Variants in PRKCH observed in about 807,000 individuals in gnomAD.
PRKCH encodes protein kinase C eta type.
In PRKCH, 28 loss-of-function variants were observed where a neutral mutation model predicts 82.5. The ratio of observed to expected loss-of-function variants is 0.34; its 90% CI spans 0.25 to 0.47. The LOEUF is 0.47. PRKCH is among the 20% of genes least tolerant of loss of function. The probability of loss-of-function intolerance (pLI) is 1.00; values close to 1 mark genes in which losing one functional copy is unlikely to be tolerated. For synonymous variants in PRKCH, 322 were observed against 327.4 expected (o/e 0.98, Z 0.18); for missense variants, 705 against 881.8 (o/e 0.80, Z 2.54).
intron 9 of PRKCH, among the ~76,000 whole-genome samples, chr14:61,477,496 G>C (rs1398637600): frequency 6.6e-6 from 1 of 152,098 alleles, no homozygotes; most frequent in Non-Finnish European, 1.5e-5. Flanking sequence ...TTTGCAATCT[G>C]GTTCTGAGAT....
intron 2 of PRKCH, among the ~76,000 whole-genome samples, chr14:61,395,471 T>C (rs1347129983): frequency 6.6e-6 from 1 of 152,026 alleles, no homozygotes; most frequent in Non-Finnish European, 1.5e-5. Flanking sequence ...AAAGCCTTCA[T>C]GGAAAAGCAG....
At chr14:61,224,728 C>T (rs1216067917) in intron 1 of PRKCH, among the ~76,000 whole-genome samples, 1 of 152,198 alleles carries the variant, frequency 6.6e-6, no homozygotes, top group Non-Finnish European at 1.5e-5. Flanking sequence ...ACCTTAATCA[C>T]CTGGCTAACG....
chr14:61,331,579 C>G lies in PRKCH; in HGVS notation c.363+9115C>G, dbSNP rs936059206. On this transcript the variant is annotated intron_variant, in intron 1 of 13. Coordinates refer to ENST00000332981, the MANE Select transcript of PRKCH (RefSeq NM_006255.5). The stretch of plus-strand genomic sequence containing the variant: ...CCTCTTTTTATTTCGTTATACAACT[C>G]CCAGCAATAGGGGAACACTGTACTT... 2.6e-5 allele frequency among the ~76,000 whole-genome samples: 4 copies of G among 152,258 alleles called. No individual in the cohort carries two copies. In the South Asian group the frequency reaches 8.3e-4, roughly 32 times the overall value.
chr14:61,295,424 C>G (rs1203226821), intron 1 of PRKCH, among the ~76,000 whole-genome samples: 3 of 152,222 alleles, frequency 2.0e-5, no homozygotes, highest in Non-Finnish European at 2.9e-5. Flanking sequence ...CCCTGGCCAG[C>G]TAGAGGACAC....
intron 10 of PRKCH, among the ~76,000 whole-genome samples, chr14:61,493,508 C>G (rs942008037): frequency 6.6e-6 from 1 of 152,108 alleles, no homozygotes; most frequent in African/African-American, 2.4e-5. Context: ...CAGTGAAAGC[C>G]AAGAAATACA....
intron 10 of PRKCH, among the ~76,000 whole-genome samples, chr14:61,496,888 C>T (rs1229710072): frequency 3.3e-5 from 5 of 151,696 alleles, no homozygotes; most frequent in Admixed American, 6.5e-5. Context: ...TCACCTACTC[C>T]TCATGACAGC....
At chr14:61,281,205 G>T (rs1053254084) in intron 1 of PRKCH, 1 of 1,107,750 alleles carries the variant, frequency 9.0e-7, no homozygotes, top group Non-Finnish European at 1.2e-6. Context: ...GCCGCGGGGC[G>T]CCTCCCTCTC....
intron 10 of PRKCH, among the ~76,000 whole-genome samples, chr14:61,495,076 T>G (rs1302034397): frequency 6.6e-6 from 1 of 152,218 alleles, no homozygotes. Flanking sequence ...GTTTACGCCT[T>G]CTGGTATTAA....
chr14:61,236,406 G>T (rs1000582460), intron 1 of PRKCH, among the ~76,000 whole-genome samples: 10 of 152,020 alleles, frequency 6.6e-5, no homozygotes, highest in African/African-American at 2.2e-4. Flanking sequence ...GATAAAACAG[G>T]TTGCAGTAAA....
At chr14:61,243,639 C>T (rs2044858944) in intron 1 of PRKCH, among the ~76,000 whole-genome samples, 1 of 151,482 alleles carries the variant, frequency 6.6e-6, no homozygotes, top group Admixed American at 6.6e-5. Flanking sequence ...AATTGAAAAT[C>T]AAGGTTTTAA....
intron 4 of PRKCH, among the ~76,000 whole-genome samples, chr14:61,445,954 T>A (rs1397300866): frequency 2.0e-5 from 3 of 152,126 alleles, no homozygotes; most frequent in African/African-American, 7.2e-5. Flanking sequence ...ACCTAATAAA[T>A]TTTCATTGTT....
intron 10 of PRKCH, among the ~76,000 whole-genome samples, chr14:61,492,578 C>T (rs1435721845): frequency 1.3e-5 from 2 of 152,158 alleles, no homozygotes; most frequent in East Asian, 3.8e-4. Context: ...GCATGAAGAG[C>T]AAACCAAGAC....
At chr14:61,236,720 A>AG (rs1356379938) in intron 1 of PRKCH, among the ~76,000 whole-genome samples, 1 of 147,898 alleles carries the variant, frequency 6.8e-6, no homozygotes, top group African/African-American at 2.5e-5. Context: ...CAAAAAAAAA[A>AG]AAAAAAAAAA....
At chr14:61,348,804 G>A (rs1009447755) in intron 1 of PRKCH, among the ~76,000 whole-genome samples, 4 of 152,190 alleles carry the variant, frequency 2.6e-5, no homozygotes, top group East Asian at 1.9e-4. Flanking sequence ...TCTGCCTTGC[G>A]GCACTTGCAC....
chr14:61,201,097 C>T (rs538731593), intron 1 of PRKCH, among the ~76,000 whole-genome samples: 15 of 152,202 alleles, frequency 9.9e-5, no homozygotes, highest in Admixed American at 3.9e-4. Flanking sequence ...CTGTGGTACT[C>T]GGAATATTCT....
chr14:61,195,056 A>G (rs942544213), intron 1 of PRKCH, among the ~76,000 whole-genome samples: 9 of 152,144 alleles, frequency 5.9e-5, no homozygotes, highest in African/African-American at 1.9e-4. Context: ...TTAAACAGTC[A>G]ATATTCATTA....
intron 10 of PRKCH, among the ~76,000 whole-genome samples, chr14:61,488,790 C>G (rs779515401): frequency 1.3e-5 from 2 of 152,114 alleles, no homozygotes; most frequent in Non-Finnish European, 2.9e-5. Flanking sequence ...GGTGGGTAGA[C>G]ACTGTAACTT....
At chr14:61,458,294 A>G (rs1884872160) in intron 9 of PRKCH, among the ~76,000 whole-genome samples, 1 of 152,218 alleles carries the variant, frequency 6.6e-6, no homozygotes, top group Admixed American at 6.5e-5. Context: ...TAAACAATAA[A>G]TAGAAAGGAT....
At chr14:61,355,518 G>C (rs2046136516) in intron 1 of PRKCH, among the ~76,000 whole-genome samples, 1 of 151,834 alleles carries the variant, frequency 6.6e-6, no homozygotes, top group South Asian at 2.1e-4. Flanking sequence ...TGTATCCCTT[G>C]GGTCAAATGG....
Sources: allele counts gnomAD v4.1 joint callset (sites outside exome capture counted in the v4.1 genomes callset), GRCh38; gene constraint gnomAD v4.1.1; transcripts MANE v1.5; gene names NCBI Gene and HGNC (gene_info 2026-07-23, HGNC 2026-07-21).